The following CLPB variants were observed in gnomAD, a reference collection of about 807,000 sequenced individuals.
CLPB encodes ClpB family mitochondrial disaggregase, also known as mitochondrial disaggregase.
CLPB carries 40 observed loss-of-function variants against 78.4 expected under a neutral mutation model. The ratio of observed to expected loss-of-function variants is 0.51; its 90% CI spans 0.40 to 0.66. CLPB has a LOEUF of 0.66. CLPB is among the 30% of genes least tolerant of loss of function. CLPB has a pLI of 0.00. For missense variants in CLPB, 780 were observed against 886.9 expected, an observed-to-expected ratio of 0.88 and a Z score of 1.53; for synonymous variants, 333 against 348.0, an observed-to-expected ratio of 0.96 and a Z score of 0.48.
chr11:72,395,754 A>G (rs1855388313), intron 3 of CLPB, among the ~76,000 whole-genome samples: 1 of 152,198 alleles, frequency 6.6e-6, no homozygotes, highest in Admixed American at 6.5e-5. Flanking sequence ...GGCAGGACCG[A>G]CTTCCATGTG....
intron 4 of CLPB, among the ~76,000 whole-genome samples, chr11:72,363,720 C>T (rs762583881): frequency 2.0e-5 from 3 of 152,202 alleles, no homozygotes; most frequent in Admixed American, 6.5e-5. Context: ...ACTTGCAATG[C>T]TGGTCGGTGG....
At chr11:72,386,678 C>T (rs1262885162) in intron 3 of CLPB, among the ~76,000 whole-genome samples, 1 of 152,186 alleles carries the variant, frequency 6.6e-6, no homozygotes, top group Admixed American at 6.5e-5. Flanking sequence ...TGACCTAAAT[C>T]AGTTAAGTGA....
chr11:72,399,007 CCA>C (rs1013425252), intron 3 of CLPB, among the ~76,000 whole-genome samples: 1 of 151,692 alleles, frequency 6.6e-6, no homozygotes, highest in Non-Finnish European at 1.5e-5. Context: ...GCACCTGACA[CCA>C]CAGAGTTTTT....
At chr11:72,367,982 A>C (rs1255143690) in intron 4 of CLPB, among the ~76,000 whole-genome samples, 7 of 152,216 alleles carry the variant, frequency 4.6e-5, no homozygotes, top group Non-Finnish European at 2.9e-5. Context: ...TAGGTTAAAA[A>C]ATATATGTAA....
intron 3 of CLPB, among the ~76,000 whole-genome samples, chr11:72,390,890 T>C (rs1273743183): frequency 1.3e-5 from 2 of 152,126 alleles, no homozygotes; most frequent in African/African-American, 4.8e-5. Context: ...TCTGTGGCAG[T>C]GGGGAGTTGC....
At chr11:72,317,024 C>G in intron 7 of CLPB, 82 bp downstream of exon 7, 1 of 835,086 alleles carries the variant, frequency 1.2e-6, no homozygotes, top group South Asian at 1.8e-5. Context: ...ATATTATTAA[C>G]AGCGCCTATC....
At chr11:72,409,214 C>T (rs1855802488) in intron 2 of CLPB, among the ~76,000 whole-genome samples, 1 of 152,126 alleles carries the variant, frequency 6.6e-6, no homozygotes, top group Non-Finnish European at 1.5e-5. Flanking sequence ...AGGTCTCCTG[C>T]TTGGCAGGGC....
Position 72,295,496 on chromosome 11 carries a change from G to A in CLPB, c.1482C>T (p.Asn494=). The A allele has an allele frequency of 1.2e-6, 2 of 1,614,022 alleles. No homozygotes were observed. The highest frequency in any genetic ancestry group is 1.1e-5 in the South Asian group (1 of 91,076). ...TGCTCAGGTCAGCCGCCATACCCAG[G>A]TTTTCGGCAATACGGTTACGGCTCA... is the stretch of plus-strand genomic sequence containing the variant. ...LEMSRNRIAE[N]LGDVQISDKI... is the part of the protein sequence containing the mutation. Residue 494 remains asparagine (N), a synonymous_variant, in exon 12 of 16, where the codon AAC becomes AAT. Coordinates refer to ENST00000538039, the MANE Select transcript of CLPB (RefSeq NM_001258392.3).
At chr11:72,324,549 A>G in intron 6 of CLPB, among the ~76,000 whole-genome samples, 1 of 152,196 alleles carries the variant, frequency 6.6e-6, no homozygotes, top group South Asian at 2.1e-4. Context: ...TGGGCGACAC[A>G]GCAAGACTTC....
At chr11:72,348,209 G>A (rs1950548998) in intron 5 of CLPB, among the ~76,000 whole-genome samples, 1 of 152,260 alleles carries the variant, frequency 6.6e-6, no homozygotes, top group Middle Eastern at 3.4e-3. Flanking sequence ...GATGTGGAAG[G>A]GAGACTTCCT....
At chr11:72,366,109 G>C (rs1213122890) in intron 4 of CLPB, among the ~76,000 whole-genome samples, 2 of 152,176 alleles carry the variant, frequency 1.3e-5, no homozygotes, top group African/African-American at 4.8e-5. Flanking sequence ...ACTATCAACA[G>C]AGTAAACAGA....
rs754868320 is a variant in CLPB, at chr11:72,286,856, C to CA, written c.*6510dup. 6.6e-6 allele frequency: 1 copy of CA among 150,888 alleles called. No individual in the cohort carries two copies. The highest frequency in any genetic ancestry group is 1.5e-5 in the Non-Finnish European group (1 of 67,790). The allele number at this position is 150,888 out of a possible 1,614,324, so 9.3% of individuals were successfully genotyped here. ...GTAGTTATCTGAAATACTGGCAAAC[C>CA]AAATTAGAGGTTTACCTTTAACCTC... On this transcript the variant is annotated 3_prime_UTR_variant, in exon 16 of 16. Transcript: ENST00000538039.
intron 3 of CLPB, among the ~76,000 whole-genome samples, chr11:72,388,445 G>T (rs746136039): frequency 6.6e-6 from 1 of 152,000 alleles, no homozygotes; most frequent in Non-Finnish European, 1.5e-5. Context: ...TACAGCCGGG[G>T]TTTCACCGTG....
intron 5 of CLPB, chr11:72,337,069 A>G: frequency 2.5e-6 from 1 of 398,702 alleles, no homozygotes; most frequent in Non-Finnish European, 4.4e-6. Flanking sequence ...TAGTCTTCAC[A>G]TCCAGTATGT....
chr11:72,319,077 A>ACT (rs1429439953), intron 6 of CLPB, among the ~76,000 whole-genome samples: 1 of 152,196 alleles, frequency 6.6e-6, no homozygotes, highest in East Asian at 1.9e-4. Context: ...ACTTCCCTTC[A>ACT]GTGATGAGTT....
intron 3 of CLPB, among the ~76,000 whole-genome samples, chr11:72,396,270 A>C (rs1450627773): frequency 6.6e-6 from 1 of 152,112 alleles, no homozygotes; most frequent in East Asian, 1.9e-4. Flanking sequence ...GATGAAATGC[A>C]CTCGGGGAGA....
intron 8 of CLPB, 45 bp from the exon 9 acceptor site, chr11:72,307,299 T>A: frequency 6.6e-7 from 1 of 1,510,980 alleles, no homozygotes; most frequent in Non-Finnish European, 9.2e-7. Context: ...ACCAGGTGAC[T>A]AACCGCTGGA....
intron 6 of CLPB, among the ~76,000 whole-genome samples, chr11:72,320,682 CAT>C (rs922749565): frequency 1.3e-5 from 2 of 152,120 alleles, no homozygotes; most frequent in African/African-American, 2.4e-5. Flanking sequence ...TGCTAAAAAA[CAT>C]ATGAAATGAA....
intron 4 of CLPB, among the ~76,000 whole-genome samples, chr11:72,365,825 T>A (rs1459133053): frequency 6.6e-6 from 1 of 152,142 alleles, no homozygotes; most frequent in Non-Finnish European, 1.5e-5. Context: ...CCCTATTCAA[T>A]AAATGGTGCT....
Sources: allele counts gnomAD v4.1 joint callset (sites outside exome capture counted in the v4.1 genomes callset), GRCh38; gene constraint gnomAD v4.1.1; transcripts MANE v1.5; gene names NCBI Gene and HGNC (gene_info 2026-07-23, HGNC 2026-07-21).